Variants in SMG6 observed in about 807,000 individuals in gnomAD.
SMG6 encodes the protein telomerase-binding protein EST1A.
In SMG6, 66 loss-of-function variants were observed where a neutral mutation model predicts 142.2. The ratio of observed to expected loss-of-function variants is 0.46; its 90% CI spans 0.38 to 0.57. The LOEUF (loss-of-function observed/expected upper bound fraction) is 0.57. Among genes scored for constraint, SMG6 ranks in the 20% least tolerant of loss-of-function variants. SMG6 has a pLI of 0.00. For missense variants in SMG6, 1,793 were observed against 1,832.0 expected, an observed-to-expected ratio of 0.98 and a Z score of 0.39; for synonymous variants, 779 against 702.4, an observed-to-expected ratio of 1.11 and a Z score of -1.72.
At chr17:2,142,541 A>G (rs566035975) in intron 13 of SMG6, among the ~76,000 whole-genome samples, 51 of 151,862 alleles carry the variant, frequency 3.4e-4, no homozygotes, top group Admixed American at 3.3e-3. Context: ...CTATCTATCT[A>G]TCTATGAACT....
chr17:2,134,711 A>G (rs1335381265), intron 13 of SMG6, among the ~76,000 whole-genome samples: 1 of 152,102 alleles, frequency 6.6e-6, no homozygotes, highest in South Asian at 2.1e-4. Flanking sequence ...TGCTAAATAC[A>G]CTACTAAATT....
intron 6 of SMG6, among the ~76,000 whole-genome samples, chr17:2,284,450 G>A (rs2074859928): frequency 6.6e-6 from 1 of 152,092 alleles, no homozygotes; most frequent in African/African-American, 2.4e-5. Flanking sequence ...GGGAAAAGAA[G>A]AAGTAAAGAA....
chr17:2,281,903 TC>T (rs755836834), intron 8 of SMG6, among the ~76,000 whole-genome samples: 3 of 152,150 alleles, frequency 2.0e-5, no homozygotes, highest in Non-Finnish European at 2.9e-5. Context: ...CTTTACCACC[TC>T]CCTTTCCTTC....
rs1567724492 is a variant in SMG6 at position 2,258,060 on chromosome 17, C to CACATATATATATACACATATATAT, written c.2662-13342_2662-13341insATATATATGTGTATATATATATGT. On this transcript the variant is annotated intron_variant, in intron 8 of 18. Coordinates refer to ENST00000263073, the MANE Select transcript of SMG6 (RefSeq NM_017575.5). ...ATATACACACACACACACACACACA[C>CACATATATATATACACATATATAT]ACACACATATATATACATATATAGA... 3.1e-5 allele frequency among the ~76,000 whole-genome samples: 3 copies of CACATATATATATACACATATATAT among 95,500 alleles called. No homozygotes were observed. The Admixed American group carries it at 3.7e-4, about 12-fold the overall frequency. 62.7% of individuals were successfully genotyped at this position (95,500 alleles called of 152,430 possible).
chr17:2,271,417 T>C (rs1052655489), intron 8 of SMG6, among the ~76,000 whole-genome samples: 7 of 150,704 alleles, frequency 4.6e-5, no homozygotes, highest in African/African-American at 7.3e-5. Context: ...AACCAGCCTA[T>C]ACATTTTAAA....
chr17:2,253,779 G>T (rs1876714930), intron 8 of SMG6, among the ~76,000 whole-genome samples: 1 of 152,138 alleles, frequency 6.6e-6, no homozygotes, highest in South Asian at 2.1e-4. Context: ...CCCATTCTAT[G>T]ATAGCACAAG....
chr17:2,242,285 G>T (rs1245250208), intron 9 of SMG6, among the ~76,000 whole-genome samples: 7 of 151,396 alleles, frequency 4.6e-5, no homozygotes, highest in Non-Finnish European at 8.8e-5. Flanking sequence ...GGCTGAGGCG[G>T]GTGGACCACG....
chr17:2,121,579 ATGTCTGTC>A, intron 13 of SMG6, among the ~76,000 whole-genome samples: 1 of 84,910 alleles, frequency 1.2e-5, no homozygotes, highest in Non-Finnish European at 2.2e-5. Flanking sequence ...ATATATGTAC[ATGTCTGTC>A]TGTGTGTGTG....
At chr17:2,124,597 C>A (rs140463990) in intron 13 of SMG6, among the ~76,000 whole-genome samples, 1 of 152,268 alleles carries the variant, frequency 6.6e-6, no homozygotes, top group Non-Finnish European at 1.5e-5. Context: ...ACCCTCTAGG[C>A]TCTAAGACTC....
intron 15 of SMG6, among the ~76,000 whole-genome samples, chr17:2,080,684 G>A (rs982253922): frequency 6.6e-6 from 1 of 150,812 alleles, no homozygotes; most frequent in African/African-American, 2.4e-5. Flanking sequence ...AGCCCAGGCT[G>A]GAGTGCAATG....
intron 15 of SMG6, among the ~76,000 whole-genome samples, chr17:2,078,269 G>T (rs1258808594): frequency 6.6e-6 from 1 of 152,138 alleles, no homozygotes; most frequent in African/African-American, 2.4e-5. Flanking sequence ...AGGAGAAGAG[G>T]GAATAAATGT....
At chr17:2,242,354 T>C (rs1254533156) in intron 9 of SMG6, among the ~76,000 whole-genome samples, 1 of 23,262 alleles carries the variant, frequency 4.3e-5, no homozygotes, top group Non-Finnish European at 7.6e-5. Flanking sequence ...CTACTGAAGA[T>C]ACAAAAAAAA....
intron 9 of SMG6, chr17:2,240,080 C>T (rs1486581506): frequency 2.6e-5 from 4 of 152,186 alleles, no homozygotes; most frequent in Admixed American, 6.5e-5. Context: ...TATGGCACCC[C>T]GACTGAGTAC....
At chr17:2,235,135 G>A (rs1299099765) in intron 10 of SMG6, among the ~76,000 whole-genome samples, 1 of 152,136 alleles carries the variant, frequency 6.6e-6, no homozygotes, top group African/African-American at 2.4e-5. Context: ...TACAAACTTT[G>A]TTCTCTTCTC....
chr17:2,196,613 A>T (rs549111975), intron 10 of SMG6, among the ~76,000 whole-genome samples: 1 of 152,314 alleles, frequency 6.6e-6, no homozygotes, highest in Non-Finnish European at 1.5e-5. Context: ...AATCTCAGGA[A>T]CGTTTCACGT....
intron 9 of SMG6, among the ~76,000 whole-genome samples, chr17:2,240,790 C>A (rs560809269): frequency 1.3e-5 from 2 of 152,234 alleles, no homozygotes; most frequent in Non-Finnish European, 2.9e-5. Context: ...TGCCTGGAAG[C>A]GCAGCGTCCG....
intron 13 of SMG6, among the ~76,000 whole-genome samples, chr17:2,162,107 T>C (rs751332128): frequency 2.0e-5 from 3 of 152,220 alleles, no homozygotes; most frequent in East Asian, 1.9e-4. Flanking sequence ...TCATACAATA[T>C]TGTGCAGCTC....
At chr17:2,144,110 G>A (rs1873805662) in intron 13 of SMG6, among the ~76,000 whole-genome samples, 1 of 137,798 alleles carries the variant, frequency 7.3e-6, no homozygotes, top group South Asian at 2.4e-4. Flanking sequence ...CCAGGCTGGA[G>A]TGCAATGGTG....
intron 6 of SMG6, among the ~76,000 whole-genome samples, chr17:2,284,316 C>T (rs779868317): frequency 3.3e-5 from 5 of 152,144 alleles, no homozygotes; most frequent in Non-Finnish European, 7.3e-5. Flanking sequence ...TCACACTTAA[C>T]TGTACTTAAT....
Sources: allele counts gnomAD v4.1 joint callset (sites outside exome capture counted in the v4.1 genomes callset), GRCh38; gene constraint gnomAD v4.1.1; transcripts MANE v1.5; gene names NCBI Gene and HGNC (gene_info 2026-07-23, HGNC 2026-07-21).